FTO: variants seen among roughly 807,000 people sequenced by gnomAD.
FTO encodes the protein FTO alpha-ketoglutarate dependent dioxygenase.
A neutral mutation model predicts 63.9 loss-of-function variants in FTO; 47 were observed. The observed-to-expected ratio is 0.74, with a 90% confidence interval of 0.58 to 0.94. The LOEUF is 0.94. Ranked by LOEUF, FTO falls within the 40% of genes least tolerant of loss-of-function variation. FTO has a pLI of 0.00. For synonymous variants in FTO, 207 were observed against 224.4 expected, an observed-to-expected ratio of 0.92 and a Z score of 0.69; for missense variants, 562 against 618.1, an observed-to-expected ratio of 0.91 and a Z score of 0.96.
intron 6 of FTO, among the ~76,000 whole-genome samples, chr16:53,881,811 T>C (rs376585376): frequency 5.3e-5 from 8 of 152,362 alleles, no homozygotes; most frequent in African/African-American, 1.9e-4. Context: ...GAGCTTTATA[T>C]TGCTACTTTA....
At chr16:53,865,515 T>G (rs1338538173) in intron 4 of FTO, among the ~76,000 whole-genome samples, 1 of 152,236 alleles carries the variant, frequency 6.6e-6, no homozygotes, top group Non-Finnish European at 1.5e-5. Flanking sequence ...TGTGACTTAT[T>G]CACCTTCAGT....
intron 8 of FTO, chr16:54,052,669 G>A (rs1307420885): frequency 6.6e-6 from 1 of 152,144 alleles, no homozygotes; most frequent in African/African-American, 2.4e-5. Flanking sequence ...TCTAAAATAC[G>A]GATAATAAGA....
intron 7 of FTO, among the ~76,000 whole-genome samples, chr16:53,917,279 T>C (rs948630899): frequency 1.3e-5 from 2 of 152,208 alleles, no homozygotes; most frequent in African/African-American, 4.8e-5. Context: ...AAGTTCCTTA[T>C]AGTTTGTCAT....
chr16:53,767,355 G>C (rs1342844863), intron 1 of FTO, among the ~76,000 whole-genome samples: 1 of 152,112 alleles, frequency 6.6e-6, no homozygotes, highest in African/African-American at 2.4e-5. Flanking sequence ...TAGATTTCAT[G>C]AATTTTCTGC....
chr16:54,107,199 G>A (rs1370529771), intron 8 of FTO, among the ~76,000 whole-genome samples: 2 of 151,880 alleles, frequency 1.3e-5, no homozygotes, highest in African/African-American at 4.8e-5. Flanking sequence ...GAAAGGGGCA[G>A]TATTTTCTGA....
chr16:53,975,274 C>A (rs60202532), intron 8 of FTO, among the ~76,000 whole-genome samples: 2,026 of 151,210 alleles, frequency 0.013, 45 homozygotes, highest in African/African-American at 0.046. Context: ...ATATTCATAA[C>A]AAATTTAAAC....
Position 53,933,998 on chromosome 16 carries a change from T to C in FTO, c.1253T>C (p.Leu418Pro). The C allele has an allele frequency of 6.2e-7, 1 of 1,614,040 alleles. No homozygotes were observed. The highest frequency in any genetic ancestry group is 8.5e-7 in the Non-Finnish European group (1 of 1,179,888). The change falls in exon 8 of 9, where the codon CTT becomes CCT. Residue 418 changes from leucine (L) to proline (P), a missense_variant. By Grantham distance (98) the Leu-to-Pro change is moderately conservative. Transcript: ENST00000471389. The stretch of plus-strand genomic sequence containing the variant: ...CATTTCTTGTAGACAAATGCTGTGC[T>C]TCATGAAGTTAAAAGAGAGGGGCTC... ...KKMEGVTNAV[L>P]HEVKREGLPV...
chr16:53,984,690 A>C (rs1291141930), intron 8 of FTO, among the ~76,000 whole-genome samples: 1 of 152,180 alleles, frequency 6.6e-6, no homozygotes, highest in Non-Finnish European at 1.5e-5. Context: ...CAGAGCCCCT[A>C]AAGCATCAAC....
chr16:53,837,830 C>T (rs1160254882), intron 3 of FTO, among the ~76,000 whole-genome samples: 2 of 152,212 alleles, frequency 1.3e-5, no homozygotes, highest in Admixed American at 1.3e-4. Flanking sequence ...CTAGAGAGAT[C>T]ATTCTGAAAA....
At chr16:54,098,043 AG>A (rs1199101772) in intron 8 of FTO, among the ~76,000 whole-genome samples, 1 of 152,194 alleles carries the variant, frequency 6.6e-6, no homozygotes, top group Non-Finnish European at 1.5e-5. Context: ...ACTGGAGCAC[AG>A]TGAACAATGG....
At chr16:54,008,655 G>T (rs2084265112) in intron 8 of FTO, 1 of 151,770 alleles carries the variant, frequency 6.6e-6, no homozygotes, top group Non-Finnish European at 1.5e-5. Flanking sequence ...ATGCTGGCTT[G>T]CCAAATTATT....
chr16:53,760,254 G>T (rs1414330203), intron 1 of FTO, among the ~76,000 whole-genome samples: 10,075 of 32,464 alleles, frequency 0.31, 705 homozygotes, highest in African/African-American at 0.51. Context: ...GTGTGTGTGT[G>T]TGTGTGTTTT....
intron 3 of FTO, among the ~76,000 whole-genome samples, chr16:53,830,112 T>C (rs2079106237): frequency 1.3e-5 from 2 of 152,206 alleles, no homozygotes; most frequent in Non-Finnish European, 2.9e-5. Context: ...GTCATCCCTC[T>C]TTGGTTTATT....
intron 8 of FTO, chr16:54,070,133 C>T (rs1222710363): frequency 1.1e-4 from 17 of 152,134 alleles, no homozygotes; most frequent in African/African-American, 3.9e-4. Flanking sequence ...TGGCATCGGG[C>T]ATCTGTAGAG....
At chr16:53,924,722 C>G (rs1339725455) in intron 7 of FTO, among the ~76,000 whole-genome samples, 1 of 152,114 alleles carries the variant, frequency 6.6e-6, no homozygotes, top group Non-Finnish European at 1.5e-5. Context: ...TGCGTTTTCT[C>G]AAATTCAGGA....
At chr16:54,014,857 T>TCC (rs2084400952) in intron 8 of FTO, among the ~76,000 whole-genome samples, 1 of 129,480 alleles carries the variant, frequency 7.7e-6, no homozygotes, top group African/African-American at 3.2e-5. Flanking sequence ...TCTCTTTTTT[T>TCC]TTTTTTTTTT....
At chr16:53,757,635 GC>G (rs1473969452) in intron 1 of FTO, among the ~76,000 whole-genome samples, 7 of 152,014 alleles carry the variant, frequency 4.6e-5, no homozygotes, top group Non-Finnish European at 1.0e-4. Context: ...AGCCACTGGG[GC>G]TTTTATAAGT....
At chr16:54,035,539 C>T (rs2084925518) in intron 8 of FTO, among the ~76,000 whole-genome samples, 1 of 152,130 alleles carries the variant, frequency 6.6e-6, no homozygotes, top group African/African-American at 2.4e-5. Flanking sequence ...CTCTAAATCC[C>T]CATGCTTGGA....
At chr16:53,984,427 A>G (rs2083619344) in intron 8 of FTO, among the ~76,000 whole-genome samples, 1 of 138,670 alleles carries the variant, frequency 7.2e-6, no homozygotes, top group Non-Finnish European at 1.5e-5. Context: ...AGCTCAAGTG[A>G]TCCTCCCACC....
Sources: gnomAD v4.1 joint callset for allele counts (sites outside exome capture counted in the v4.1 genomes callset) on GRCh38, gnomAD v4.1.1 for gene constraint, MANE v1.5 for transcripts, NCBI Gene and HGNC (gene_info 2026-07-23, HGNC 2026-07-21) for gene names.